FBXL17: variants seen among roughly 807,000 people sequenced by gnomAD.
FBXL17 encodes the protein F-box and leucine rich repeat protein 17.
Under a neutral mutation model 66.2 loss-of-function variants are expected in FBXL17, and 22 were observed. That is an observed-to-expected ratio of 0.33 (90% CI 0.24 to 0.47). The LOEUF (loss-of-function observed/expected upper bound fraction) is 0.47, where lower values mean the gene tolerates loss of function less well. FBXL17 is among the 20% of genes least tolerant of loss of function. FBXL17 has a pLI of 1.00. For synonymous variants in FBXL17, 474 were observed against 400.5 expected (o/e 1.18, Z -2.19); for missense variants, 878 against 948.2 (o/e 0.93, Z 0.97).
At chr5:108,235,327 C>T (rs1344572446) in intron 4 of FBXL17, among the ~76,000 whole-genome samples, 1 of 152,148 alleles carries the variant, frequency 6.6e-6, no homozygotes, top group East Asian at 1.9e-4. Flanking sequence ...TGGAATCGAT[C>T]CAGAAAGTCT....
chr5:107,966,315 A>T (rs1202141434), intron 7 of FBXL17, among the ~76,000 whole-genome samples: 1 of 151,954 alleles, frequency 6.6e-6, no homozygotes, highest in Non-Finnish European at 1.5e-5. Context: ...CCAGACTCTC[A>T]CCCCTGTTTT....
chr5:108,152,774 C>T lies in FBXL17; in HGVS notation c.1745+33343G>A, dbSNP rs377711018. 6.6e-5 allele frequency among the ~76,000 whole-genome samples: 10 copies of T among 152,242 alleles called. No individual in the cohort carries two copies. In the East Asian group the frequency reaches 9.6e-4, roughly 15 times the overall value. On this transcript the variant is annotated intron_variant, in intron 6 of 8. Transcript: ENST00000542267. ...GACCCCTGGAAGTGATACAGGATTA[C>T]CATATTTAGTAAATAAAAATGCAAA...
At chr5:108,274,386 T>G (rs1757400061) in intron 4 of FBXL17, among the ~76,000 whole-genome samples, 1 of 152,216 alleles carries the variant, frequency 6.6e-6, no homozygotes, top group Non-Finnish European at 1.5e-5. Flanking sequence ...CCATTTGCTT[T>G]TGAAAGAAGA....
At chr5:108,270,226 A>G (rs1757210378) in intron 4 of FBXL17, among the ~76,000 whole-genome samples, 1 of 151,964 alleles carries the variant, frequency 6.6e-6, no homozygotes, top group African/African-American at 2.4e-5. Context: ...ATGGAAAAGG[A>G]GTCTTAAATA....
chr5:108,171,216 AC>A (rs1752594386), intron 6 of FBXL17, among the ~76,000 whole-genome samples: 3 of 152,200 alleles, frequency 2.0e-5, no homozygotes, highest in Non-Finnish European at 2.9e-5. Context: ...TTTAATACTT[AC>A]TTTATTGTAA....
intron 6 of FBXL17, among the ~76,000 whole-genome samples, chr5:108,049,592 A>G (rs1355520078): frequency 6.6e-6 from 1 of 152,168 alleles, no homozygotes. Context: ...AGGAAGCTCT[A>G]AATATGGAAA....
chr5:108,192,578 G>T (rs1045772373), intron 5 of FBXL17, among the ~76,000 whole-genome samples: 4 of 152,052 alleles, frequency 2.6e-5, no homozygotes, highest in Non-Finnish European at 5.9e-5. Flanking sequence ...ACCTCAAATG[G>T]GTCAGGAGTT....
chr5:107,940,562 T>C (rs1247238395), intron 7 of FBXL17, among the ~76,000 whole-genome samples: 1 of 152,084 alleles, frequency 6.6e-6, no homozygotes, highest in Non-Finnish European at 1.5e-5. Flanking sequence ...TCCAAAGTAT[T>C]TGCTAACACA....
intron 5 of FBXL17, among the ~76,000 whole-genome samples, chr5:108,209,326 G>C (rs538302516): frequency 1.3e-5 from 2 of 152,036 alleles, no homozygotes; most frequent in Non-Finnish European, 2.9e-5. Flanking sequence ...GATTGTCCTG[G>C]CCAGAACTTC....
In FBXL17 at chr5:108,349,088, G is replaced by A. The variant is rs145971128; in HGVS notation, c.1375-558C>T. Among the ~76,000 whole-genome samples the A allele has an allele frequency of 2.1e-3, 324 of 152,264 alleles. 1 individual carries two copies. The highest frequency in any genetic ancestry group is 6.5e-3 in the Admixed American group (99 of 15,298). ...CCCAAAGTCCTGGGATTACAGGTGT[G>A]AGCCACTGCACCCAGCCTCTCTTGA... On this transcript the variant is annotated intron_variant, in intron 3 of 8. Coordinates refer to ENST00000542267, the MANE Select transcript of FBXL17 (RefSeq NM_001163315.3).
intron 4 of FBXL17, among the ~76,000 whole-genome samples, chr5:108,260,667 T>A (rs551788331): frequency 6.6e-6 from 1 of 152,240 alleles, no homozygotes; most frequent in African/African-American, 2.4e-5. Context: ...ATTCTTGGAA[T>A]TGCTGCCACT....
chr5:108,193,148 T>A (rs1366805439), intron 5 of FBXL17, among the ~76,000 whole-genome samples: 1 of 152,208 alleles, frequency 6.6e-6, no homozygotes, highest in African/African-American at 2.4e-5. Context: ...TTGTAATGTT[T>A]AGGGAGCAAA....
At chr5:108,274,608 A>T (rs567870177) in intron 4 of FBXL17, among the ~76,000 whole-genome samples, 3 of 152,326 alleles carry the variant, frequency 2.0e-5, no homozygotes, top group Admixed American at 2.0e-4. Flanking sequence ...GGATTAAGAG[A>T]TTAAAGACAG....
intron 6 of FBXL17, among the ~76,000 whole-genome samples, chr5:108,058,609 C>T (rs1209085465): frequency 6.6e-6 from 1 of 152,006 alleles, no homozygotes; most frequent in African/African-American, 2.4e-5. Context: ...CTCAGCCTCC[C>T]GAGTAGTTGG....
At chr5:108,093,433 T>C (rs550299191) in intron 6 of FBXL17, among the ~76,000 whole-genome samples, 3 of 152,144 alleles carry the variant, frequency 2.0e-5, no homozygotes, top group Non-Finnish European at 4.4e-5. Context: ...TGAGGAACCA[T>C]AGTTGACTTC....
intron 6 of FBXL17, among the ~76,000 whole-genome samples, chr5:108,142,772 T>C (rs1751400646): frequency 6.6e-6 from 1 of 152,054 alleles, no homozygotes; most frequent in South Asian, 2.1e-4. Flanking sequence ...AGGTAAGCAG[T>C]GGGCAACCAA....
chr5:108,110,958 T>C (rs770724639), intron 6 of FBXL17, among the ~76,000 whole-genome samples: 3 of 152,190 alleles, frequency 2.0e-5, no homozygotes, highest in South Asian at 2.1e-4. Context: ...CCCTAATACA[T>C]TGAATAGTCC....
chr5:108,058,423 TTCTTTCTTTC>T (rs1464207032), intron 6 of FBXL17, among the ~76,000 whole-genome samples: 75 of 151,548 alleles, frequency 4.9e-4, no homozygotes, highest in African/African-American at 1.7e-3. Flanking sequence ...TCTTTCTTTC[TTCTTTCTTTC>T]TCTTTCTTTC....
At chr5:107,940,439 G>A (rs751039494) in intron 7 of FBXL17, among the ~76,000 whole-genome samples, 6 of 152,154 alleles carry the variant, frequency 3.9e-5, no homozygotes, top group Admixed American at 1.3e-4. Flanking sequence ...AAGGTACAGA[G>A]AGGAGTGAAT....
Sources: gnomAD v4.1 joint callset for allele counts (sites outside exome capture counted in the v4.1 genomes callset) on GRCh38, gnomAD v4.1.1 for gene constraint, MANE v1.5 for transcripts, NCBI Gene and HGNC (gene_info 2026-07-23, HGNC 2026-07-21) for gene names.